DCLK1: variants seen among roughly 807,000 people sequenced by gnomAD.
The protein encoded by DCLK1 is serine/threonine-protein kinase DCLK1.
In DCLK1, 16 loss-of-function variants were observed where a neutral mutation model predicts 86.2. The observed-to-expected ratio is 0.19, with a 90% CI of 0.13 to 0.28. The LOEUF (loss-of-function observed/expected upper bound fraction) is 0.28. DCLK1 is among the 10% of genes least tolerant of loss of function. The probability of loss-of-function intolerance (pLI) is 1.00; values close to 1 mark genes in which losing one functional copy is unlikely to be tolerated. For missense variants in DCLK1, 590 were observed against 940.2 expected (o/e 0.63, Z 4.87); for synonymous variants, 369 against 370.5 (o/e 1.00, Z 0.05).
In DCLK1 at chr13:35,810,966, C is replaced by T; in HGVS notation, c.1557G>A (p.Val519=). The T allele has an allele frequency of 6.2e-7, 1 of 1,613,310 alleles. No homozygotes were observed. Among genetic ancestry groups the T allele is most frequent in the Non-Finnish European group, 8.5e-7 (1 of 1,179,780 alleles). ...ATTTGCTGCCATCTTGGTGCTCATA[C>T]ACCTAAAACAAAGGTAAAAATCACA... ...HRDIKPENLL[V]YEHQDGSKSL... Residue 519 remains valine, a splice_region_variant and synonymous_variant, in exon 12 of 17, where the codon GTG becomes GTA. Transcript: ENST00000360631.
chr13:35,860,783 AGCTGCTGCAGTACTGCAGG>A (rs1387911947), intron 5 of DCLK1, among the ~76,000 whole-genome samples: 2 of 152,210 alleles, frequency 1.3e-5, no homozygotes, highest in Non-Finnish European at 2.9e-5. Flanking sequence ...TCTGTGAATC[AGCTGCTGCAGTACTGCAGG>A]GCTGGGGAAG....
At chr13:35,958,485 C>G (rs992861476) in intron 3 of DCLK1, among the ~76,000 whole-genome samples, 1 of 151,866 alleles carries the variant, frequency 6.6e-6, no homozygotes, top group African/African-American at 2.4e-5. Flanking sequence ...ACCATCACCA[C>G]CACTACCACC....
At chr13:35,989,924 CTG>C (rs1328482301) in intron 3 of DCLK1, among the ~76,000 whole-genome samples, 1 of 152,120 alleles carries the variant, frequency 6.6e-6, no homozygotes, top group Non-Finnish European at 1.5e-5. Context: ...TAAAAAATAA[CTG>C]ATATGTGATA....
intron 3 of DCLK1, among the ~76,000 whole-genome samples, chr13:36,024,211 T>C (rs1881934716): frequency 1.3e-5 from 2 of 152,054 alleles, no homozygotes; most frequent in South Asian, 4.2e-4. Flanking sequence ...CTCATTTCTA[T>C]TCAGTGTTGG....
chr13:35,884,867 T>C (rs943662729), intron 4 of DCLK1, among the ~76,000 whole-genome samples: 5 of 152,108 alleles, frequency 3.3e-5, no homozygotes, highest in Non-Finnish European at 7.4e-5. Flanking sequence ...TTCGTCATAG[T>C]TTAGATTATA....
intron 3 of DCLK1, among the ~76,000 whole-genome samples, chr13:36,077,957 G>A (rs1884269760): frequency 6.6e-6 from 1 of 152,164 alleles, no homozygotes; most frequent in African/African-American, 2.4e-5. Flanking sequence ...TCACTAACCA[G>A]TAATTTAGTA....
intron 11 of DCLK1, among the ~76,000 whole-genome samples, chr13:35,817,395 A>C (rs889346399): frequency 2.1e-4 from 32 of 152,108 alleles, no homozygotes; most frequent in Admixed American, 1.3e-4. Context: ...AAACACCCCC[A>C]AAAAAAGGAT....
chr13:35,816,071 C>T (rs1404818073), intron 11 of DCLK1, among the ~76,000 whole-genome samples: 1 of 152,152 alleles, frequency 6.6e-6, no homozygotes, highest in African/African-American at 2.4e-5. Context: ...GAGTTCTATG[C>T]AGCTGCAGCG....
chr13:35,917,366 G>A (rs1287203392), intron 4 of DCLK1, among the ~76,000 whole-genome samples: 1 of 152,136 alleles, frequency 6.6e-6, no homozygotes, highest in Non-Finnish European at 1.5e-5. Flanking sequence ...ATGGAGGCAG[G>A]GTTTTGTTCG....
intron 8 of DCLK1, among the ~76,000 whole-genome samples, chr13:35,828,539 T>C (rs1193043984): frequency 2.6e-5 from 4 of 152,204 alleles, no homozygotes; most frequent in Non-Finnish European, 5.9e-5. Context: ...GGGCTATTTA[T>C]GTTGCCGTAC....
intron 5 of DCLK1, among the ~76,000 whole-genome samples, chr13:35,859,981 A>G (rs1444968602): frequency 1.3e-5 from 2 of 152,220 alleles, no homozygotes; most frequent in Admixed American, 1.3e-4. Context: ...GAAGTTAGAG[A>G]AATCTCCAAG....
rs548595585 is a variant in DCLK1, at chr13:36,057,149, T to C, written c.723+54720A>G. On this transcript the variant is annotated intron_variant, in intron 3 of 16. Coordinates refer to ENST00000360631, the MANE Select transcript of DCLK1 (RefSeq NM_001330071.2). ...GTAGTTATATCTCAGCATTTGATGA[T>C]GATGATGATGACGATGAGGATGATG... is the stretch of plus-strand genomic sequence containing the variant. Among the ~76,000 whole-genome samples the C allele has an allele frequency of 2.0e-4, 31 of 152,266 alleles. No homozygotes were observed. The South Asian group carries it at 2.5e-3, about 12-fold the overall frequency.
At chr13:35,965,285 T>G (rs1488853455) in intron 3 of DCLK1, among the ~76,000 whole-genome samples, 1 of 152,178 alleles carries the variant, frequency 6.6e-6, no homozygotes, top group East Asian at 1.9e-4. Flanking sequence ...CTCTACTCTG[T>G]TTGATCAATG....
chr13:35,980,646 A>G lies in DCLK1; in HGVS notation c.724-33189T>C, dbSNP rs553794733. ...CAGTTTCTTGGAAGAAAATTTTTCC[A>G]TGGACGTGGGCTGGGTGCGGGGATG... On this transcript the variant is annotated intron_variant, in intron 3 of 16. Coordinates refer to ENST00000360631, the MANE Select transcript of DCLK1 (RefSeq NM_001330071.2). Among the ~76,000 whole-genome samples, 7 of 152,198 alleles carry G rather than the reference A, an allele frequency of 4.6e-5. No individual in the cohort carries two copies. In the South Asian group the frequency reaches 1.5e-3, roughly 32 times the overall value.
chr13:36,061,172 C>T (rs759566912), intron 3 of DCLK1, among the ~76,000 whole-genome samples: 1 of 152,132 alleles, frequency 6.6e-6, no homozygotes, highest in South Asian at 2.1e-4. Context: ...CTGCAATCAG[C>T]CGGGCACAAA....
At chr13:36,017,436 T>C (rs1238079013) in intron 3 of DCLK1, among the ~76,000 whole-genome samples, 2 of 152,206 alleles carry the variant, frequency 1.3e-5, no homozygotes, top group African/African-American at 4.8e-5. Flanking sequence ...AGGGGATAGT[T>C]TGATACCCAA....
chr13:35,859,074 C>A (rs1208964542), intron 5 of DCLK1, among the ~76,000 whole-genome samples: 1 of 152,158 alleles, frequency 6.6e-6, no homozygotes, highest in East Asian at 1.9e-4. Context: ...AGTGCCATAA[C>A]AAGGCTTTGT....
At chr13:35,940,276 A>T (rs1482088090) in intron 4 of DCLK1, among the ~76,000 whole-genome samples, 1 of 145,564 alleles carries the variant, frequency 6.9e-6, no homozygotes, top group Non-Finnish European at 1.5e-5. Flanking sequence ...TGGGTGACAC[A>T]GCAAGAGTCC....
In DCLK1 at chr13:35,826,297, G is replaced by A. The variant is rs551545049; in HGVS notation, c.1407+1338C>T. Among the ~76,000 whole-genome samples, 4 of 151,338 alleles carry A rather than the reference G, an allele frequency of 2.6e-5. No homozygotes were observed. In the East Asian group the frequency reaches 6.1e-4, roughly 23 times the overall value. On this transcript the variant is annotated intron_variant, in intron 10 of 16. Transcript: ENST00000360631. Reference sequence around the variant, plus strand: ...CCAGCACTTTGGGAGGCCGAGGTGGGCGGATCACCTGAGGTTGGGAGTTCG... The same window carrying A: ...CCAGCACTTTGGGAGGCCGAGGTGGACGGATCACCTGAGGTTGGGAGTTCG...
Sources: gnomAD v4.1 joint callset for allele counts (sites outside exome capture counted in the v4.1 genomes callset) on GRCh38, gnomAD v4.1.1 for gene constraint, MANE v1.5 for transcripts, NCBI Gene and HGNC (gene_info 2026-07-23, HGNC 2026-07-21) for gene names.